The following HDAC9 variants were observed in gnomAD, a reference collection of about 807,000 sequenced individuals.
HDAC9 encodes the protein MEF-2 interacting transcription repressor (MITR) protein.
Under a neutral mutation model 139.4 loss-of-function variants are expected in HDAC9, and 41 were observed. That is an observed-to-expected ratio of 0.29 (90% CI 0.23 to 0.38). The LOEUF is 0.38. HDAC9 is among the 10% of genes least tolerant of loss of function. The pLI, the probability that HDAC9 is intolerant of heterozygous loss-of-function variation, is 1.00. For missense variants in HDAC9, 1,147 were observed against 1,297.0 expected (o/e 0.88, Z 1.78); for synonymous variants, 517 against 476.2 (o/e 1.09, Z -1.12).
intron 1 of HDAC9, among the ~76,000 whole-genome samples, chr7:18,387,943 G>GAA (rs140295746): frequency 0.026 from 3,798 of 147,598 alleles, 73 homozygotes; most frequent in East Asian, 0.09. Flanking sequence ...TCTGTGGAGA[G>GAA]AAAAAAAAAA....
At chr7:18,408,271 TTGTTTC>T in intron 1 of HDAC9, among the ~76,000 whole-genome samples, 1 of 152,306 alleles carries the variant, frequency 6.6e-6, no homozygotes, top group East Asian at 1.9e-4. Context: ...TAAAAAATTA[TTGTTTC>T]TACAATACAT....
At chr7:18,690,773 C>T (rs564954944) in intron 12 of HDAC9, among the ~76,000 whole-genome samples, 24 of 152,056 alleles carry the variant, frequency 1.6e-4, no homozygotes, top group South Asian at 6.2e-4. Flanking sequence ...GCAAACAAGA[C>T]GTACGGCATG....
rs1230788703 is a variant in HDAC9, at chr7:18,135,231, GTGTT to G, written c.-96-26991_-96-26988del. ...ACAAAATCCTCTTAGGAAGATAATT[GTGTT>G]TGTTTGCAAAAATTTCTTTCTTTTT... On this transcript the variant is annotated intron_variant, in intron 1 of 12. Transcript: ENST00000417496. 3.5e-5 allele frequency among the ~76,000 whole-genome samples: 5 copies of G among 143,728 alleles called. No individual in the cohort carries two copies. The South Asian group carries it at 1.2e-3, about 33-fold the overall frequency. The allele number at this position is 143,728 out of a possible 152,430, so 94.3% of individuals were successfully genotyped here.
intron 16 of HDAC9, among the ~76,000 whole-genome samples, chr7:18,773,282 C>T (rs1790469907): frequency 6.6e-6 from 1 of 151,024 alleles, no homozygotes; most frequent in Non-Finnish European, 1.5e-5. Flanking sequence ...AATGAGATGG[C>T]TAAAAAAATG....
At chr7:18,372,850 G>A (rs996911033) in intron 1 of HDAC9, among the ~76,000 whole-genome samples, 3 of 152,142 alleles carry the variant, frequency 2.0e-5, no homozygotes, top group African/African-American at 7.2e-5. Flanking sequence ...AAGGCATTTG[G>A]TACAGGCAAA....
At chr7:18,519,193 A>T (rs1246491473) in intron 2 of HDAC9, among the ~76,000 whole-genome samples, 1 of 152,210 alleles carries the variant, frequency 6.6e-6, no homozygotes, top group Non-Finnish European at 1.5e-5. Context: ...AGCTTATGTG[A>T]TGTCATCACA....
At chr7:18,671,175 G>A (rs144404976) in intron 12 of HDAC9, among the ~76,000 whole-genome samples, 49 of 152,054 alleles carry the variant, frequency 3.2e-4, no homozygotes, top group African/African-American at 1.1e-3. Context: ...TCAAGGACAC[G>A]CTTGATAATA....
chr7:18,727,249 G>C (rs901337606), intron 12 of HDAC9, among the ~76,000 whole-genome samples: 5 of 152,154 alleles, frequency 3.3e-5, no homozygotes, highest in African/African-American at 1.2e-4. Context: ...CAAAACGTTG[G>C]TATCTAGGTA....
chr7:18,996,124 G>A lies in HDAC9; in HGVS notation c.*62G>A. On this transcript the variant is annotated 3_prime_UTR_variant, in exon 26 of 26. Coordinates refer to ENST00000686413, the MANE Select transcript of HDAC9 (RefSeq NM_178425.4). ...CATCATTGTGTATCCCCCCACCCCA[G>A]TACCCTCAGACATGTCTTGTCTGCT... 7.9e-7 allele frequency: 1 copy of A among 1,259,500 alleles called. No individual in the cohort carries two copies. The highest frequency in any genetic ancestry group is 1.3e-5 in the South Asian group (1 of 78,482). The allele number at this position is 1,259,500 out of a possible 1,614,324, so 78.0% of individuals were successfully genotyped here. A position where few individuals can be genotyped will look rare whatever the true frequency, so the allele number is the denominator to read the frequency against.
chr7:18,469,099 T>G (rs1427345735), intron 1 of HDAC9, among the ~76,000 whole-genome samples: 3 of 152,206 alleles, frequency 2.0e-5, no homozygotes, highest in Non-Finnish European at 4.4e-5. Context: ...TTCCCACAGA[T>G]AGCCACCAGG....
At chr7:18,503,424 C>G (rs528166671) in intron 2 of HDAC9, among the ~76,000 whole-genome samples, 1 of 152,274 alleles carries the variant, frequency 6.6e-6, no homozygotes, top group South Asian at 2.1e-4. Flanking sequence ...ACTAAACGAC[C>G]TACACTTTCA....
At position 18,137,398 on chromosome 7, in the gene HDAC9, T is replaced by C. The variant is rs1193778369; in HGVS notation, c.-96-24831T>C. Among the ~76,000 whole-genome samples the C allele has an allele frequency of 6.6e-5, 10 of 151,014 alleles. No homozygotes were observed. The East Asian group carries it at 9.8e-4, about 15-fold the overall frequency. ...GTCTTATGCCAGTTTTCAAAGGGAATGCTTCCAGTTTTTGCCCATTCAGTA... is the reference window on the plus strand; with the variant it reads ...GTCTTATGCCAGTTTTCAAAGGGAACGCTTCCAGTTTTTGCCCATTCAGTA... On this transcript the variant is annotated intron_variant, in intron 1 of 12. Transcript: ENST00000417496.
chr7:18,640,543 G>A (rs1400012148), intron 8 of HDAC9, among the ~76,000 whole-genome samples: 1 of 149,686 alleles, frequency 6.7e-6, no homozygotes, highest in Non-Finnish European at 1.5e-5. Flanking sequence ...TCCTTCCTTG[G>A]TTCCTTCTCT....
At chr7:18,370,262 G>T (rs367746310) in intron 1 of HDAC9, among the ~76,000 whole-genome samples, 4 of 152,262 alleles carry the variant, frequency 2.6e-5, no homozygotes, top group African/African-American at 9.6e-5. Context: ...ATCTGTAACA[G>T]AATTAATTGC....
At position 18,938,620 on chromosome 7, in the gene HDAC9, T is replaced by A. The variant is rs1781820113; in HGVS notation, c.2937+2678T>A. ...CAAAAAAAATAATAATAAAAAAAAA[T>A]CTCAAAATGCTGAATTAAATATTAA... On this transcript the variant is annotated intron_variant, in intron 23 of 25. Coordinates refer to ENST00000686413, the MANE Select transcript of HDAC9 (RefSeq NM_178425.4). Among the ~76,000 whole-genome samples the A allele has an allele frequency of 2.6e-5, 4 of 151,994 alleles. No individual in the cohort carries two copies. The South Asian group carries it at 8.3e-4, about 32-fold the overall frequency.
chr7:18,602,898 C>G (rs2128879143), intron 6 of HDAC9, among the ~76,000 whole-genome samples: 1 of 152,182 alleles, frequency 6.6e-6, no homozygotes, highest in South Asian at 2.1e-4. Context: ...GTCAGTAGTA[C>G]TAAAGTCTCC....
chr7:18,502,301 T>G (rs1311630459), intron 2 of HDAC9: 1 of 152,164 alleles, frequency 6.6e-6, no homozygotes, highest in Non-Finnish European at 1.5e-5. Flanking sequence ...CATCCTTTAT[T>G]CTATATTGAC....
At chr7:18,668,794 C>G in intron 12 of HDAC9, 9 of 982,458 alleles carry the variant, frequency 9.2e-6, no homozygotes, top group Non-Finnish European at 1.1e-5. Flanking sequence ...TCCCTTCTTG[C>G]CTTCTGTTAT....
In HDAC9 at chr7:18,648,620, A is replaced by C. The variant is rs772703535; in HGVS notation, c.1404A>C (p.Gln468His). 1 of 1,613,370 alleles carries C rather than the reference A, an allele frequency of 6.2e-7. No homozygotes were observed. The highest frequency in any genetic ancestry group is 8.5e-7 in the Non-Finnish European group (1 of 1,179,696). The change falls in exon 11 of 26, where the codon CAA (glutamine) becomes CAC (histidine). Residue 468 changes from glutamine (Q) to histidine (H), a missense_variant. Coordinates refer to ENST00000686413, the MANE Select transcript of HDAC9 (RefSeq NM_178425.4). ...GCACGTTGGCTCAGCTGGTCATTCA[A>C]CAGCAACACCAGCAATTCTTGGAGA... ...PQSTLAQLVI[Q>H]QQHQQFLEKQ...
Sources: gnomAD v4.1 joint callset for allele counts (sites outside exome capture counted in the v4.1 genomes callset) on GRCh38, gnomAD v4.1.1 for gene constraint, MANE v1.5 for transcripts, NCBI Gene and HGNC (gene_info 2026-07-23, HGNC 2026-07-21) for gene names.